Variants in HEMK2 observed in about 807,000 individuals in gnomAD.
HEMK2 encodes the protein HemK methyltransferase 2, ETF1 glutamine and histone H4 lysine, also known as methyltransferase HEMK2.
the HEMK2 span, among the ~76,000 whole-genome samples, chr21:28,613,279 C>T: frequency 6.6e-6 from 1 of 151,972 alleles, no homozygotes; most frequent in South Asian, 2.1e-4. Flanking sequence ...TACACATGAT[C>T]GGGGTGACTT....
chr21:28,828,042 T>C, the HEMK2 span, among the ~76,000 whole-genome samples: 1 of 152,222 alleles, frequency 6.6e-6, no homozygotes, highest in Admixed American at 6.5e-5. Flanking sequence ...CCTTGTAGCT[T>C]AGGCTACAAG....
chr21:28,825,845 C>T, the HEMK2 span, among the ~76,000 whole-genome samples: 1 of 152,308 alleles, frequency 6.6e-6, no homozygotes, highest in East Asian at 1.9e-4. Flanking sequence ...AGTCCTAAGA[C>T]ATCTGGTCAC....
chr21:28,795,381 T>C, the HEMK2 span, among the ~76,000 whole-genome samples: 3 of 152,106 alleles, frequency 2.0e-5, no homozygotes, highest in Non-Finnish European at 2.9e-5. Context: ...GCCAAAACAC[T>C]GCCTAATAAG....
the HEMK2 span, among the ~76,000 whole-genome samples, chr21:28,583,590 T>C: frequency 3.9e-5 from 6 of 152,246 alleles, no homozygotes; most frequent in South Asian, 1.2e-3. Context: ...AGGTTTTGCA[T>C]AAATCATGGT....
chr21:28,761,452 G>A, the HEMK2 span, among the ~76,000 whole-genome samples: 1 of 152,066 alleles, frequency 6.6e-6, no homozygotes, highest in East Asian at 1.9e-4. Flanking sequence ...CAACCCTGCT[G>A]TAGAGAAAGG....
chr21:28,682,707 G>T, the HEMK2 span, among the ~76,000 whole-genome samples: 1 of 152,056 alleles, frequency 6.6e-6, no homozygotes. Context: ...ATACACCATG[G>T]AATACTATGC....
chr21:28,682,487 G>A, the HEMK2 span, among the ~76,000 whole-genome samples: 145 of 149,928 alleles, frequency 9.7e-4, 1 homozygote, highest in African/African-American at 2.9e-3. Context: ...TGTGGAAGTC[G>A]GTGTGGCGAT....
the HEMK2 span, among the ~76,000 whole-genome samples, chr21:28,682,185 G>T: frequency 6.6e-6 from 1 of 151,806 alleles, no homozygotes; most frequent in East Asian, 1.9e-4. Flanking sequence ...AATCTACAAT[G>T]AACTCAAACA....
chr21:28,851,670 G>A, the HEMK2 span, among the ~76,000 whole-genome samples: 1 of 152,204 alleles, frequency 6.6e-6, no homozygotes, highest in Non-Finnish European at 1.5e-5. Context: ...AATAAGTCCA[G>A]TGTGTTCACT....
chr21:28,738,428 A>G, the HEMK2 span, among the ~76,000 whole-genome samples: 1 of 152,194 alleles, frequency 6.6e-6, no homozygotes, highest in Non-Finnish European at 1.5e-5. Flanking sequence ...CAAGGTAAGG[A>G]TGAGACAAGA....
At chr21:28,626,846 C>T in the HEMK2 span, among the ~76,000 whole-genome samples, 1 of 151,968 alleles carries the variant, frequency 6.6e-6, no homozygotes, top group South Asian at 2.1e-4. Context: ...TACTTCAAAC[C>T]CACTCATATA....
At chr21:28,576,020 TGGG>T in the HEMK2 span, among the ~76,000 whole-genome samples, 1 of 152,224 alleles carries the variant, frequency 6.6e-6, no homozygotes, top group Non-Finnish European at 1.5e-5. Flanking sequence ...TTTTTCTGTT[TGGG>T]GTTATCATGA....
At chr21:28,718,297 G>GT in the HEMK2 span, among the ~76,000 whole-genome samples, 1 of 152,134 alleles carries the variant, frequency 6.6e-6, no homozygotes, top group South Asian at 2.1e-4. Context: ...GCTTAGTATG[G>GT]TTTTTTAAAT....
At chr21:28,763,107 C>T in the HEMK2 span, among the ~76,000 whole-genome samples, 1 of 152,146 alleles carries the variant, frequency 6.6e-6, no homozygotes, top group African/African-American at 2.4e-5. Flanking sequence ...CCCTTTTCCA[C>T]CAATGGGACA....
At chr21:28,710,339 C>A in the HEMK2 span, among the ~76,000 whole-genome samples, 1 of 152,176 alleles carries the variant, frequency 6.6e-6, no homozygotes, top group African/African-American at 2.4e-5. Flanking sequence ...AATAGAAAAA[C>A]CAGCCAATGG....
chr21:28,762,248 T>A, the HEMK2 span, among the ~76,000 whole-genome samples: 1 of 152,080 alleles, frequency 6.6e-6, no homozygotes, highest in African/African-American at 2.4e-5. Context: ...GTTACCCACA[T>A]CACTTGCTAT....
the HEMK2 span, among the ~76,000 whole-genome samples, chr21:28,717,534 C>T: frequency 1.5e-5 from 2 of 133,960 alleles, no homozygotes; most frequent in East Asian, 4.8e-4. Context: ...GGCTGGAGTA[C>T]AGTGGCATGC....
the HEMK2 span, among the ~76,000 whole-genome samples, chr21:28,678,212 G>A: frequency 5.3e-5 from 8 of 152,226 alleles, no homozygotes; most frequent in Admixed American, 5.2e-4. Context: ...ACCTGATGGA[G>A]CTGAAAACCA....
chr21:28,879,831 T>C, the HEMK2 span: 29 of 1,412,826 alleles, frequency 2.1e-5, 1 homozygote, highest in South Asian at 2.7e-5. Context: ...AACAAAATAA[T>C]TGAAAATATT....
Sources: gnomAD v4.1 joint callset for allele counts (sites outside exome capture counted in the v4.1 genomes callset) on GRCh38, gnomAD v4.1.1 for gene constraint, MANE v1.5 for transcripts, NCBI Gene and HGNC (gene_info 2026-07-23, HGNC 2026-07-21) for gene names.